Variants in HOXA3 observed in about 807,000 individuals in gnomAD.
HOXA3 encodes the protein homeobox protein Hox-A3.
HOXA3 carries 8 observed loss-of-function variants against 30.3 expected under a neutral mutation model. The observed-to-expected ratio is 0.26, with a 90% CI of 0.15 to 0.48. HOXA3 has a LOEUF of 0.48. Ranked by LOEUF, HOXA3 falls within the 20% of genes least tolerant of loss-of-function variation. HOXA3 has a pLI of 0.99. For missense variants in HOXA3, 653 were observed against 614.4 expected, an observed-to-expected ratio of 1.06 and a Z score of -0.66; for synonymous variants, 323 against 273.1, an observed-to-expected ratio of 1.18 and a Z score of -1.80.
At chr7:27,111,756 A>G (rs910954574) in intron 4 of HOXA3, among the ~76,000 whole-genome samples, 22 of 151,770 alleles carry the variant, frequency 1.4e-4, no homozygotes, top group South Asian at 2.2e-4. Context: ...TTAGAGGGGG[A>G]AAAAAAACCC....
intron 3 of HOXA3, chr7:27,123,476 C>T (rs1042287419): frequency 2.0e-5 from 3 of 152,926 alleles, no homozygotes; most frequent in African/African-American, 4.8e-5. Flanking sequence ...GTCACCGAGC[C>T]GGCAGTCAGC....
At chr7:27,151,630 A>T (rs1222698201) in intron 1 of HOXA3, 1 of 456,688 alleles carries the variant, frequency 2.2e-6, no homozygotes, top group Admixed American at 2.3e-5. Context: ...TCTCTCATCG[A>T]AAAACCGGGC....
intron 4 of HOXA3, 32 bp from the exon 5 acceptor site, chr7:27,110,792 G>T: frequency 8.8e-7 from 1 of 1,138,048 alleles, no homozygotes; most frequent in Non-Finnish European, 1.2e-6. Context: ...CGCGGTGAGG[G>T]CTCCGCGCAA....
intron 4 of HOXA3, chr7:27,116,293 G>T (rs1784718706): frequency 6.5e-6 from 1 of 152,718 alleles, no homozygotes; most frequent in African/African-American, 2.4e-5. Flanking sequence ...CCTCCTGAAG[G>T]CGTCTGAGAG....
intron 1 of HOXA3, chr7:27,150,033 C>T (rs1181556400): frequency 6.6e-6 from 1 of 152,210 alleles, no homozygotes; most frequent in Non-Finnish European, 1.5e-5. Flanking sequence ...TTTGATTTCT[C>T]AGCTAAGAAC....
At chr7:27,131,279 G>T (rs1785551584) in intron 2 of HOXA3, among the ~76,000 whole-genome samples, 1 of 152,184 alleles carries the variant, frequency 6.6e-6, no homozygotes, top group Non-Finnish European at 1.5e-5. Flanking sequence ...AGGGCGTTGG[G>T]ACCGAGGGGC....
chr7:27,113,908 T>G lies in HOXA3; in HGVS notation c.-120-3148A>C, dbSNP rs1378240182. 1 of 47,682 alleles carries G rather than the reference T, an allele frequency of 2.1e-5. No homozygotes were observed. Among genetic ancestry groups the G allele is most frequent in the Non-Finnish European group, 5.1e-5 (1 of 19,606 alleles). 3.0% of individuals were successfully genotyped at this position (47,682 alleles called of 1,614,324 possible). A position where few individuals can be genotyped will look rare whatever the true frequency, so the allele number is the denominator to read the frequency against. Reference sequence around the variant, plus strand: ...ACCCCTCCCCCACACCCCCGCCCCCTGCCCTTCCCGAGGGCAGCAGCCGCG... The same window carrying G: ...ACCCCTCCCCCACACCCCCGCCCCCGGCCCTTCCCGAGGGCAGCAGCCGCG... On this transcript the variant is annotated intron_variant, in intron 4 of 5. Transcript: ENST00000612286. The surrounding 1 kb of genome is among the most constrained non-coding windows in gnomAD (Gnocchi z 4.8).
intron 5 of HOXA3, among the ~76,000 whole-genome samples, chr7:27,109,690 T>A (rs1784249354): frequency 6.6e-6 from 1 of 152,230 alleles, no homozygotes; most frequent in Non-Finnish European, 1.5e-5. Flanking sequence ...AGGCAAAGCA[T>A]TGATTCTGTC....
intron 2 of HOXA3, chr7:27,130,336 C>T: frequency 9.0e-7 from 1 of 1,111,052 alleles, no homozygotes; most frequent in Non-Finnish European, 1.1e-6. Context: ...CAGGACGTGG[C>T]TCGCATGCAG....
chr7:27,126,761 A>G (rs1425482766), intron 3 of HOXA3, 125 bp downstream of exon 3: 1 of 152,202 alleles, frequency 6.6e-6, no homozygotes, highest in Non-Finnish European at 1.5e-5. Context: ...CCCTTTCTGG[A>G]TGGACTTATA....
chr7:27,142,116 C>A, intron 1 of HOXA3: 1 of 1,600,852 alleles, frequency 6.2e-7, no homozygotes, highest in Non-Finnish European at 8.5e-7. Context: ...GTTTAGCCAC[C>A]AACTCCTGTC....
At chr7:27,147,749 T>C (rs1194322886) in intron 1 of HOXA3, 1 of 1,604,018 alleles carries the variant, frequency 6.2e-7, no homozygotes, top group East Asian at 2.2e-5. Flanking sequence ...TAGGAACTCA[T>C]TTGCGCGCCC....
At chr7:27,121,991 G>A (rs1785036236) in intron 4 of HOXA3, 1 of 152,944 alleles carries the variant, frequency 6.5e-6, no homozygotes, top group South Asian at 2.1e-4. Flanking sequence ...CCTGATGAAA[G>A]AAGGAAGAAG....
intron 2 of HOXA3, among the ~76,000 whole-genome samples, chr7:27,136,365 T>C (rs1291934914): frequency 6.6e-6 from 1 of 152,224 alleles, no homozygotes; most frequent in African/African-American, 2.4e-5. Context: ...CTAGATTAAC[T>C]TGAAATCACT....
intron 4 of HOXA3, chr7:27,121,213 C>CTGTGCG (rs1784989502): frequency 8.4e-6 from 1 of 119,376 alleles, no homozygotes; most frequent in Non-Finnish European, 1.9e-5. Flanking sequence ...TCTTAGCCCA[C>CTGTGCG]TGTGTGCGTG....
intron 1 of HOXA3, among the ~76,000 whole-genome samples, chr7:27,142,552 T>G (rs931090045): frequency 7.2e-5 from 11 of 152,066 alleles, no homozygotes; most frequent in African/African-American, 2.7e-4. Flanking sequence ...TCCCTTTCCT[T>G]CTCTCTCCCT....
Position 27,110,151 on chromosome 7 carries a change from G to T in HOXA3, c.490C>A (p.Gln164Lys), listed in dbSNP as rs1313262966. The change falls in exon 5 of 6, where the codon CAA becomes AAA. Residue 164 changes from glutamine to lysine, a missense_variant. Coordinates refer to ENST00000612286, the MANE Select transcript of HOXA3 (RefSeq NM_153631.3). The part of the protein sequence containing the change: ...QIFPWMKESR[Q>K]NTKQKTSSSS... ...CTGCTGGTTTTCTGCTTTGTGTTTTGTCGAGACTCTTTCATCCAGGGGAAG... is the reference window on the plus strand; with the variant it reads ...CTGCTGGTTTTCTGCTTTGTGTTTTTTCGAGACTCTTTCATCCAGGGGAAG... 3.1e-6 allele frequency: 5 copies of T among 1,614,074 alleles called. No individual in the cohort carries two copies. The highest frequency in any genetic ancestry group is 3.4e-6 in the Non-Finnish European group (4 of 1,180,044).
chr7:27,139,283 C>G (rs1399618890), intron 2 of HOXA3, among the ~76,000 whole-genome samples: 1 of 152,220 alleles, frequency 6.6e-6, no homozygotes, highest in South Asian at 2.1e-4. Context: ...AACATGCAGG[C>G]AAACAGGGTT....
Position 27,110,735 on chromosome 7 carries a change from G to A in HOXA3, c.-95C>T. Reference sequence around the variant, plus strand: ...CGCCCCCGCGGTCACGTGACACTCCGCCGCCAATGGCCGCCCCGCGCAGAC... The same window carrying A: ...CGCCCCCGCGGTCACGTGACACTCCACCGCCAATGGCCGCCCCGCGCAGAC... On this transcript the variant is annotated 5_prime_UTR_variant, in exon 5 of 6. Coordinates refer to ENST00000612286, the MANE Select transcript of HOXA3 (RefSeq NM_153631.3). 1.3e-6 allele frequency: 2 copies of A among 1,553,960 alleles called. No homozygotes were observed. The highest frequency in any genetic ancestry group is 1.3e-5 in the African/African-American group (1 of 74,284).
Sources: gnomAD v4.1 joint callset for allele counts (sites outside exome capture counted in the v4.1 genomes callset) on GRCh38, gnomAD v4.1.1 for gene constraint, Gnocchi (gnomAD v3.1) non-coding constraint, MANE v1.5 for transcripts, NCBI Gene and HGNC (gene_info 2026-07-23, HGNC 2026-07-21) for gene names.